The following SVOP variants were observed in gnomAD, a reference collection of about 807,000 sequenced individuals.
SVOP encodes SV2 related protein, also known as synaptic vesicle 2-related protein.
SVOP carries 17 observed loss-of-function variants against 69.1 expected under a neutral mutation model. The ratio of observed to expected loss-of-function variants is 0.25; its 90% CI spans 0.17 to 0.37. The LOEUF is 0.37. SVOP is among the 10% of genes least tolerant of loss of function. The pLI is 1.00. For synonymous variants in SVOP, 238 were observed against 238.6 expected (o/e 1.00, Z 0.02); for missense variants, 435 against 597.5 (o/e 0.73, Z 2.84).
At chr12:108,969,163 G>A (rs960647551) in intron 5 of SVOP, among the ~76,000 whole-genome samples, 4 of 152,002 alleles carry the variant, frequency 2.6e-5, no homozygotes, top group African/African-American at 9.7e-5. Context: ...TTCTTTTAAC[G>A]GCTGCTCAGC....
chr12:108,978,694 G>C (rs1193139152), intron 2 of SVOP, 31 bp from the exon 3 acceptor site: 2 of 703,034 alleles, frequency 2.8e-6, no homozygotes, highest in African/African-American at 3.5e-5. Flanking sequence ...GGGAAGGAAG[G>C]AATCAGTGCA....
chr12:109,005,374 T>C (rs1471237007), intron 1 of SVOP, among the ~76,000 whole-genome samples: 8 of 152,140 alleles, frequency 5.3e-5, no homozygotes, highest in Non-Finnish European at 1.2e-4. Flanking sequence ...ATGGAGATCA[T>C]AGGAGTCTAT....
chr12:108,913,355 C>G (rs1480592216), intron 15 of SVOP, among the ~76,000 whole-genome samples: 1 of 152,176 alleles, frequency 6.6e-6, no homozygotes, highest in Non-Finnish European at 1.5e-5. Flanking sequence ...GCCAACACGC[C>G]CAGCCAGGTA....
chr12:108,977,935 A>C (rs2040116072), intron 3 of SVOP, among the ~76,000 whole-genome samples: 1 of 152,198 alleles, frequency 6.6e-6, no homozygotes, highest in African/African-American at 2.4e-5. Flanking sequence ...ACCTTTTAAT[A>C]CATTAAAACA....
chr12:108,941,164 G>A (rs1054597017), intron 7 of SVOP, among the ~76,000 whole-genome samples: 1 of 152,180 alleles, frequency 6.6e-6, no homozygotes, highest in Non-Finnish European at 1.5e-5. Context: ...GGCAGCTTTG[G>A]TTAAGGAGAT....
Position 108,922,687 on chromosome 12 carries a change from C to T in SVOP, c.1156+3G>A. On this transcript the variant is annotated splice_donor_region_variant and intron_variant, in intron 12 of 15. Transcript: ENST00000610966. ...ACAGCTTCACCTTGCACAGGTCCCTCACCTGGAAACTCAGAGAGGGTGGTC... is the reference window on the plus strand; with the variant it reads ...ACAGCTTCACCTTGCACAGGTCCCTTACCTGGAAACTCAGAGAGGGTGGTC... 1 of 1,602,132 alleles carries T rather than the reference C, an allele frequency of 6.2e-7. No individual in the cohort carries two copies.
At chr12:108,964,027 G>A (rs2040031667) in intron 5 of SVOP, among the ~76,000 whole-genome samples, 1 of 152,058 alleles carries the variant, frequency 6.6e-6, no homozygotes, top group Admixed American at 6.6e-5. Context: ...CATGTTACAA[G>A]TGATCGATTT....
chr12:108,928,116 C>T (rs923997266), intron 11 of SVOP, among the ~76,000 whole-genome samples: 2 of 151,862 alleles, frequency 1.3e-5, no homozygotes, highest in African/African-American at 4.8e-5. Context: ...TTTGGCCAGG[C>T]TGGTCTCAAA....
At chr12:108,956,808 C>T (rs1192442517) in intron 6 of SVOP, among the ~76,000 whole-genome samples, 1 of 152,102 alleles carries the variant, frequency 6.6e-6, no homozygotes, top group Non-Finnish European at 1.5e-5. Flanking sequence ...TCCGCTGGTC[C>T]TATCATATAT....
At chr12:108,961,164 G>A in intron 5 of SVOP, 117 bp from the exon 6 acceptor site, 1 of 1,292,432 alleles carries the variant, frequency 7.7e-7, no homozygotes, top group Non-Finnish European at 1.0e-6. Context: ...ACACAACCAA[G>A]GGGGTACTGG....
chr12:108,997,688 C>T (rs2040243959), intron 1 of SVOP, among the ~76,000 whole-genome samples: 1 of 151,446 alleles, frequency 6.6e-6, no homozygotes, highest in Admixed American at 6.6e-5. Context: ...GAGGCACCCC[C>T]CAGCAGGGGC....
chr12:108,924,869 C>T (rs2039770906), intron 11 of SVOP, among the ~76,000 whole-genome samples: 1 of 152,136 alleles, frequency 6.6e-6, no homozygotes, highest in Non-Finnish European at 1.5e-5. Context: ...ATTGAGTAGA[C>T]ATAATAGATA....
At chr12:108,998,701 C>T (rs1489064982) in intron 1 of SVOP, among the ~76,000 whole-genome samples, 1 of 151,544 alleles carries the variant, frequency 6.6e-6, no homozygotes, top group South Asian at 2.1e-4. Flanking sequence ...ATTTCATATC[C>T]AGCCAAACTA....
chr12:108,922,925 G>A, intron 11 of SVOP, 128 bp from the exon 12 acceptor site: 1 of 655,258 alleles, frequency 1.5e-6, no homozygotes, highest in Non-Finnish European at 2.7e-6. Flanking sequence ...CAGACTCAGA[G>A]ACAGACAGAT....
chr12:108,935,568 C>T (rs1011988920), intron 10 of SVOP, among the ~76,000 whole-genome samples: 4 of 152,280 alleles, frequency 2.6e-5, no homozygotes, highest in African/African-American at 7.2e-5. Flanking sequence ...AGCTAGAGTC[C>T]GTTCTGTATA....
chr12:108,959,467 C>T (rs2137421427), intron 6 of SVOP, among the ~76,000 whole-genome samples: 1 of 151,772 alleles, frequency 6.6e-6, no homozygotes, highest in African/African-American at 2.4e-5. Flanking sequence ...GATTCTCCTG[C>T]CTTAGCCTCC....
intron 9 of SVOP, among the ~76,000 whole-genome samples, chr12:108,938,465 A>T (rs2039869223): frequency 1.3e-5 from 2 of 152,208 alleles, no homozygotes; most frequent in South Asian, 4.1e-4. Context: ...ATATGGTTTT[A>T]TTGCACAGCT....
At chr12:109,018,978 C>T (rs1047430148) in intron 1 of SVOP, among the ~76,000 whole-genome samples, 1 of 152,130 alleles carries the variant, frequency 6.6e-6, no homozygotes, top group Non-Finnish European at 1.5e-5. Flanking sequence ...TGCTTAAAGT[C>T]ACACAGCCAG....
chr12:109,003,517 T>A (rs926394139), intron 1 of SVOP, among the ~76,000 whole-genome samples: 17 of 152,220 alleles, frequency 1.1e-4, no homozygotes, highest in African/African-American at 3.9e-4. Context: ...TCCTGCAACC[T>A]GTCTTCTCCA....
Sources: gnomAD v4.1 joint callset for allele counts (sites outside exome capture counted in the v4.1 genomes callset) on GRCh38, gnomAD v4.1.1 for gene constraint, MANE v1.5 for transcripts, NCBI Gene and HGNC (gene_info 2026-07-23, HGNC 2026-07-21) for gene names.